RGS7: variants seen among roughly 807,000 people sequenced by gnomAD.
The protein encoded by RGS7 is regulator of G-protein signaling 7.
In RGS7, 27 loss-of-function variants were observed where a neutral mutation model predicts 81.1. That is an observed-to-expected ratio of 0.33 (90% confidence interval 0.25 to 0.46). The LOEUF is 0.46. Ranked by LOEUF, RGS7 falls within the 20% of genes least tolerant of loss-of-function variation. The pLI is 1.00. For missense variants in RGS7, 396 were observed against 607.4 expected (o/e 0.65, Z 3.66); for synonymous variants, 208 against 207.7 (o/e 1.00, Z -0.01).
intron 3 of RGS7, among the ~76,000 whole-genome samples, chr1:241,051,351 A>T (rs1328816337): frequency 2.0e-5 from 3 of 152,180 alleles, no homozygotes; most frequent in Non-Finnish European, 4.4e-5. Context: ...AATCACCTGC[A>T]ACTTGGTTAT....
intron 2 of RGS7, among the ~76,000 whole-genome samples, chr1:241,208,679 A>G (rs1337808306): frequency 6.6e-6 from 1 of 152,132 alleles, no homozygotes; most frequent in Non-Finnish European, 1.5e-5. Context: ...CCAGCATCAG[A>G]AACAAGAGTC....
At chr1:241,042,765 C>A (rs978866067) in intron 3 of RGS7, among the ~76,000 whole-genome samples, 3 of 151,960 alleles carry the variant, frequency 2.0e-5, no homozygotes, top group African/African-American at 7.3e-5. Flanking sequence ...GATGGTGAAA[C>A]CGTGTCTCTA....
chr1:241,235,531 G>A (rs1189374819), intron 2 of RGS7, among the ~76,000 whole-genome samples: 2 of 152,008 alleles, frequency 1.3e-5, no homozygotes, highest in African/African-American at 4.8e-5. Context: ...AACGGTTATT[G>A]TTCTGTTTTT....
chr1:241,175,796 A>G (rs1402462468), intron 2 of RGS7, among the ~76,000 whole-genome samples: 1 of 152,220 alleles, frequency 6.6e-6, no homozygotes, highest in African/African-American at 2.4e-5. Flanking sequence ...GGAGAGGAGG[A>G]AAAACCATTG....
At chr1:240,860,097 T>C (rs1661925446) in intron 9 of RGS7, among the ~76,000 whole-genome samples, 2 of 152,186 alleles carry the variant, frequency 1.3e-5, no homozygotes, top group South Asian at 2.1e-4. Flanking sequence ...TTTGTTAAGG[T>C]GTGTTTTTTG....
rs10716500 is a variant in RGS7 at position 241,089,993 on chromosome 1, C to CAAAA, written c.175+8669_175+8672dup. Reference sequence around the variant, plus strand: ...TGGGCGGCAGAGTGAGACTCCATCTCAAAAAAAAAAAAAAAAAAAGAGAGA... The same window carrying CAAAA: ...TGGGCGGCAGAGTGAGACTCCATCTCAAAAAAAAAAAAAAAAAAAAAAAGAGAGA... On this transcript the variant is annotated intron_variant, in intron 3 of 18. Coordinates refer to ENST00000440928, the MANE Select transcript of RGS7 (RefSeq NM_001364886.1). 2.5e-3 allele frequency among the ~76,000 whole-genome samples: 234 copies of CAAAA among 92,962 alleles called. 3 individuals carry two copies. Among genetic ancestry groups the CAAAA allele is most frequent in the Non-Finnish European group, 3.4e-3 (153 of 45,120 alleles). The allele number at this position is 92,962 out of a possible 152,430, so 61.0% of individuals were successfully genotyped here.
rs115695779 is a variant in RGS7, at chr1:241,293,618, G to A, written c.78+62081C>T. Among the ~76,000 whole-genome samples the A allele has an allele frequency of 7.4e-3, 1,126 of 152,190 alleles. 12 individuals carry two copies. Among genetic ancestry groups the A allele is most frequent in the African/African-American group, 0.026 (1,079 of 41,542 alleles). On this transcript the variant is annotated intron_variant, in intron 2 of 18. Transcript: ENST00000440928. ...AGTAAAAAAAATTAAAGCACAAAAA[G>A]GCTTATAGAATAAGAATATAAAAAA... is the stretch of plus-strand genomic sequence containing the variant.
intron 4 of RGS7, among the ~76,000 whole-genome samples, chr1:240,956,697 A>G (rs1231360414): frequency 6.6e-6 from 1 of 152,168 alleles, no homozygotes; most frequent in Non-Finnish European, 1.5e-5. Context: ...AAGCCACTCT[A>G]AAAAGCCTAT....
chr1:241,267,794 A>G (rs2077670195), intron 2 of RGS7, among the ~76,000 whole-genome samples: 1 of 152,156 alleles, frequency 6.6e-6, no homozygotes, highest in Non-Finnish European at 1.5e-5. Flanking sequence ...TTCTCTCTTT[A>G]GCATAGAATC....
intron 2 of RGS7, among the ~76,000 whole-genome samples, chr1:241,111,618 TA>T (rs57588171): frequency 0.03 from 4,364 of 146,582 alleles, 103 homozygotes; most frequent in Admixed American, 0.068. Flanking sequence ...TCTCTACAAG[TA>T]AAAAAAAAAA....
At chr1:241,051,470 T>C (rs763887672) in intron 3 of RGS7, among the ~76,000 whole-genome samples, 21 of 150,956 alleles carry the variant, frequency 1.4e-4, no homozygotes, top group Non-Finnish European at 2.4e-4. Flanking sequence ...CCAACCAATA[T>C]AGCAAAGCAC....
At chr1:240,864,491 A>G (rs1228060326) in intron 9 of RGS7, among the ~76,000 whole-genome samples, 1 of 152,236 alleles carries the variant, frequency 6.6e-6, no homozygotes, top group East Asian at 1.9e-4. Context: ...CCCTTTGAAG[A>G]GGAAAGTCAA....
chr1:240,869,776 C>A (rs1213014734), intron 7 of RGS7, among the ~76,000 whole-genome samples: 1 of 151,936 alleles, frequency 6.6e-6, no homozygotes, highest in Admixed American at 6.6e-5. Flanking sequence ...CCAGTCTCTA[C>A]TAAAAATACA....
chr1:240,823,733 C>G (rs1692256022), intron 10 of RGS7, among the ~76,000 whole-genome samples: 1 of 152,174 alleles, frequency 6.6e-6, no homozygotes, highest in Admixed American at 6.5e-5. Context: ...TGGCCTCCCC[C>G]ATGAGATTTT....
intron 9 of RGS7, among the ~76,000 whole-genome samples, chr1:240,839,455 CTG>C (rs1695255829): frequency 6.6e-6 from 1 of 152,148 alleles, no homozygotes; most frequent in South Asian, 2.1e-4. Context: ...AGTCTCAAAA[CTG>C]TAACAAATAA....
intron 2 of RGS7, among the ~76,000 whole-genome samples, chr1:241,229,418 G>A (rs1200025055): frequency 2.6e-5 from 4 of 152,192 alleles, no homozygotes; most frequent in Non-Finnish European, 5.9e-5. Flanking sequence ...TTCTTGCCAA[G>A]AGTCCTCACG....
intron 2 of RGS7, among the ~76,000 whole-genome samples, chr1:241,345,181 T>C (rs1360285809): frequency 1.3e-5 from 2 of 152,082 alleles, no homozygotes; most frequent in African/African-American, 4.8e-5. Context: ...AGGAGCTAAA[T>C]GATGAGAACA....
rs1030699130 is a variant in RGS7, at chr1:241,144,673, G to A, written c.79-45911C>T. ...GGCTGTATTTTCAAGATAGCATGGA[G>A]GGATGCTAAACTTGGTATTTGAAAT... On this transcript the variant is annotated intron_variant, in intron 2 of 18. Transcript: ENST00000440928. This position sits in a 1 kb window ranked among gnomAD's most constrained non-coding sequence, Gnocchi z 4.7. 2.6e-5 allele frequency among the ~76,000 whole-genome samples: 4 copies of A among 152,130 alleles called. No individual in the cohort carries two copies. The highest frequency in any genetic ancestry group is 4.4e-5 in the Non-Finnish European group (3 of 68,032).
chr1:241,297,914 C>T (rs1044954939), intron 2 of RGS7, among the ~76,000 whole-genome samples: 1 of 152,152 alleles, frequency 6.6e-6, no homozygotes, highest in African/African-American at 2.4e-5. Context: ...ACCAAATGAC[C>T]TGGGCATCCT....
Sources: allele counts gnomAD v4.1 joint callset (sites outside exome capture counted in the v4.1 genomes callset), GRCh38; gene constraint gnomAD v4.1.1; non-coding constraint Gnocchi (gnomAD v3.1); transcripts MANE v1.5; gene names NCBI Gene and HGNC (gene_info 2026-07-23, HGNC 2026-07-21).